Variants in FREM2 observed in about 807,000 individuals in gnomAD.
FREM2 encodes the protein FRAS1 related extracellular matrix 2, also known as FRAS1-related extracellular matrix protein 2.
A neutral mutation model predicts 219.9 loss-of-function variants in FREM2; 119 were observed. The observed-to-expected ratio is 0.54, with a 90% CI of 0.47 to 0.63. FREM2 has a LOEUF of 0.63. Ranked by LOEUF, FREM2 falls within the 30% of genes least tolerant of loss-of-function variation. FREM2 has a pLI of 0.00. For missense variants in FREM2, 4,030 were observed against 3,993.6 expected (o/e 1.01, Z -0.25); for synonymous variants, 1,562 against 1,522.8 (o/e 1.03, Z -0.60).
chr13:38,856,184 C>T lies in FREM2; in HGVS notation c.6984C>T (p.Asp2328=), dbSNP rs139998201. The part of the protein sequence containing the change: ...QHVVEIEVTF[D]GVREMREAFT... ...TGGTTGAAATCGAAGTTACCTTTGA[C>T]GGGGTGAGAGAGATGAGAGAGGCCT... The change falls in exon 12 of 24, where the codon GAC becomes GAT. Residue 2328 remains aspartate, a synonymous_variant. Coordinates refer to ENST00000280481, the MANE Select transcript of FREM2 (RefSeq NM_207361.6). 2.4e-5 allele frequency: 39 copies of T among 1,610,786 alleles called. No individual in the cohort carries two copies. The highest frequency in any genetic ancestry group is 5.5e-5 in the South Asian group (5 of 91,012).
At position 38,881,277 on chromosome 13, in the gene FREM2, A is replaced by T. The variant is rs115651798; in HGVS notation, c.*490A>T. 987 of 204,218 alleles carry T rather than the reference A, an allele frequency of 4.8e-3. 11 individuals carry two copies. Among genetic ancestry groups the T allele is most frequent in the African/African-American group, 0.022 (934 of 42,746 alleles). 12.7% of individuals were successfully genotyped at this position (204,218 alleles called of 1,614,324 possible). A position where few individuals can be genotyped will look rare whatever the true frequency, so the allele number is the denominator to read the frequency against. The stretch of plus-strand genomic sequence containing the variant: ...CACTGTTTATTATGACAAGTTTTCA[A>T]ATAGGTGAAGACAGCATAGAATTAT... On this transcript the variant is annotated 3_prime_UTR_variant, in exon 24 of 24. Transcript: ENST00000280481.
intron 6 of FREM2, among the ~76,000 whole-genome samples, chr13:38,832,255 C>T (rs1008434416): frequency 2.0e-5 from 3 of 152,022 alleles, no homozygotes; most frequent in Non-Finnish European, 4.4e-5. Flanking sequence ...CAGAGCAAGA[C>T]TCTGTCTCAA....
At chr13:38,867,214 A>G (rs1435686576) in intron 16 of FREM2, among the ~76,000 whole-genome samples, 1 of 152,234 alleles carries the variant, frequency 6.6e-6, no homozygotes, top group Middle Eastern at 3.2e-3. Flanking sequence ...AGAGAGTGCA[A>G]TATAAGAATT....
intron 16 of FREM2, among the ~76,000 whole-genome samples, chr13:38,866,524 C>A (rs750467162): frequency 6.6e-6 from 1 of 151,270 alleles, no homozygotes; most frequent in African/African-American, 2.4e-5. Context: ...TAAAATTAGC[C>A]GGGCGTGGTG....
At position 38,807,443 on chromosome 13, in the gene FREM2, A is replaced by G. The variant is rs183721720; in HGVS notation, c.6019+22635A>G. ...GGTGAATTTTTCCAGAGAGTTTTCT[A>G]CTTACTTTGACCAGATCTATCAGAT... On this transcript the variant is annotated intron_variant, in intron 6 of 23. Transcript: ENST00000280481. Among the ~76,000 whole-genome samples the G allele has an allele frequency of 3.8e-3, 575 of 150,800 alleles. 3 individuals are homozygous for G. The highest frequency in any genetic ancestry group is 6.8e-3 in the Middle Eastern group (2 of 292).
chr13:38,824,670 C>T (rs1197593820), intron 6 of FREM2, among the ~76,000 whole-genome samples: 2 of 151,682 alleles, frequency 1.3e-5, no homozygotes, highest in African/African-American at 4.8e-5. Flanking sequence ...CTGGGTGGGG[C>T]CACAGGAGCC....
At chr13:38,712,073 C>A (rs113268514) in intron 2 of FREM2, among the ~76,000 whole-genome samples, 13,143 of 151,370 alleles carry the variant, frequency 0.087, 1,906 homozygotes, top group African/African-American at 0.3. Flanking sequence ...GGCGCCTTCC[C>A]CCACCCCCAG....
intron 2 of FREM2, among the ~76,000 whole-genome samples, chr13:38,709,370 A>G (rs1472664360): frequency 6.6e-6 from 1 of 152,190 alleles, no homozygotes; most frequent in Non-Finnish European, 1.5e-5. Context: ...ATATAGCAAT[A>G]TATTGATTTA....
Position 38,688,029 on chromosome 13 carries a change from C to T in FREM2, c.685C>T (p.Arg229Cys), listed in dbSNP as rs551818565. ...GILSGLGALP[R>C]YGELLHYPQV... is the part of the protein sequence containing the mutation. ...CCTGTCCGGCTTGGGCGCGCTGCCT[C>T]GCTATGGAGAACTCCTCCACTACCC... The change falls in exon 1 of 24, where the codon CGC (arginine) becomes TGC (cysteine). Residue 229 changes from arginine (R) to cysteine (C), a missense_variant. Physicochemically the swap from Arg to Cys is radical, Grantham distance 180 (BLOSUM62 -3). Coordinates refer to ENST00000280481, the MANE Select transcript of FREM2 (RefSeq NM_207361.6). 135 of 1,610,640 alleles carry T rather than the reference C, an allele frequency of 8.4e-5. 1 individual carries two copies. In the South Asian group the frequency reaches 1.3e-3, roughly 15 times the overall value.
In FREM2 at chr13:38,864,489, T is replaced by C. The variant is rs1877884301; in HGVS notation, c.7866T>C (p.Thr2622=). ...ACAGCTTGTCCATCAGAGGTTCCAC[T>C]ACCTTGCGCTTCTACCGGAACCTGA... ...YQYSLSIRGS[T]TLRFYRNLNL... is the part of the protein sequence containing the mutation. Residue 2622 remains threonine (T), a synonymous_variant, in exon 16 of 24, where the codon ACT becomes ACC. Transcript: ENST00000280481. The C allele has an allele frequency of 1.2e-6, 2 of 1,614,078 alleles. No homozygotes were observed. The highest frequency in any genetic ancestry group is 1.7e-6 in the Non-Finnish European group (2 of 1,180,022).
intron 2 of FREM2, among the ~76,000 whole-genome samples, chr13:38,748,942 G>A (rs1471985896): frequency 6.6e-6 from 1 of 152,134 alleles, no homozygotes; most frequent in Non-Finnish European, 1.5e-5. Flanking sequence ...TGTGTGTACT[G>A]ACAAGCACAT....
intron 6 of FREM2, among the ~76,000 whole-genome samples, chr13:38,839,151 C>T (rs1033528049): frequency 2.6e-5 from 4 of 152,054 alleles, no homozygotes; most frequent in African/African-American, 7.2e-5. Context: ...TTTGTGTGGT[C>T]GTCCTTTGTG....
intron 11 of FREM2, among the ~76,000 whole-genome samples, chr13:38,854,464 T>A (rs1877484010): frequency 6.6e-6 from 1 of 152,154 alleles, no homozygotes; most frequent in Admixed American, 6.5e-5. Context: ...GGCTGTATTA[T>A]CACAGCCTAG....
intron 6 of FREM2, among the ~76,000 whole-genome samples, chr13:38,845,142 G>A (rs1462437352): frequency 2.0e-5 from 3 of 152,200 alleles, no homozygotes; most frequent in African/African-American, 7.2e-5. Context: ...TGAAGGGGCT[G>A]TATGATTTTT....
At chr13:38,774,477 G>A (rs1284272796) in intron 4 of FREM2, among the ~76,000 whole-genome samples, 10 of 152,106 alleles carry the variant, frequency 6.6e-5, no homozygotes, top group Admixed American at 6.5e-4. Context: ...TACGTGCTCT[G>A]ATAAAAGAGC....
chr13:38,721,343 G>A (rs1871239380), intron 2 of FREM2, among the ~76,000 whole-genome samples: 1 of 152,110 alleles, frequency 6.6e-6, no homozygotes, highest in South Asian at 2.1e-4. Context: ...GAGAACATAG[G>A]TAGGGTCAGA....
At chr13:38,760,591 C>T (rs1446735086) in intron 2 of FREM2, among the ~76,000 whole-genome samples, 1 of 152,004 alleles carries the variant, frequency 6.6e-6, no homozygotes, top group African/African-American at 2.4e-5. Flanking sequence ...AGTATGCAAA[C>T]ATTTTAGAAA....
In FREM2 at chr13:38,861,415, C is replaced by CG. The variant is rs1555272871; in HGVS notation, c.7520-16_7520-15insG. 119,441 of 1,309,626 alleles carry CG rather than the reference C, an allele frequency of 0.091. 5,219 individuals carry two copies. Among genetic ancestry groups the CG allele is most frequent in the Admixed American group, 0.25 (13,609 of 53,848 alleles). The allele number at this position is 1,309,626 out of a possible 1,614,324, so 81.1% of individuals were successfully genotyped here. ...TACCTTCTTTTCGCATAAATATGGTCTTTTTTTTTTTCAAGGTCTTTGTCA... is the reference window on the plus strand; with the variant it reads ...TACCTTCTTTTCGCATAAATATGGTCGTTTTTTTTTTTCAAGGTCTTTGTCA... On this transcript the variant is annotated splice_polypyrimidine_tract_variant and intron_variant, in intron 14 of 23. Transcript: ENST00000280481.
rs546843027 is a variant in FREM2, at chr13:38,859,141, C to A, written c.7216-146C>A. ...GATTATGTTTATAAATGTTATCATG[C>A]CTGGGGATCAAAATTCGGAAGCTGT... On this transcript the variant is annotated intron_variant, in intron 13 of 23. Coordinates refer to ENST00000280481, the MANE Select transcript of FREM2 (RefSeq NM_207361.6). 1.3e-4 allele frequency: 92 copies of A among 723,964 alleles called. 1 individual carries two copies. The South Asian group carries it at 1.3e-3, about 11-fold the overall frequency. 44.8% of individuals were successfully genotyped at this position (723,964 alleles called of 1,614,324 possible). A position where few individuals can be genotyped will look rare whatever the true frequency, so the allele number is the denominator to read the frequency against.
Sources: gnomAD v4.1 joint callset for allele counts (sites outside exome capture counted in the v4.1 genomes callset) on GRCh38, gnomAD v4.1.1 for gene constraint, MANE v1.5 for transcripts, NCBI Gene and HGNC (gene_info 2026-07-23, HGNC 2026-07-21) for gene names.